JMJD1C: variants seen among roughly 807,000 people sequenced by gnomAD.
The protein encoded by JMJD1C is jumonji domain-containing protein 1C.
Under a neutral mutation model 245.3 loss-of-function variants are expected in JMJD1C, and 31 were observed. That is an observed-to-expected ratio of 0.13 (90% CI 0.09 to 0.17). The LOEUF is 0.17. Ranked by LOEUF, JMJD1C falls within the 10% of genes least tolerant of loss-of-function variation. The pLI, the probability that JMJD1C is intolerant of heterozygous loss-of-function variation, is 1.00. For missense variants in JMJD1C, 2,691 were observed against 3,000.2 expected (o/e 0.90, Z 2.41); for synonymous variants, 1,057 against 1,017.4 (o/e 1.04, Z -0.74).
At chr10:63,255,293 C>G (rs1853724779) in intron 3 of JMJD1C, among the ~76,000 whole-genome samples, 1 of 152,070 alleles carries the variant, frequency 6.6e-6, no homozygotes, top group African/African-American at 2.4e-5. Context: ...GTTTCATTCC[C>G]CTATGCCATC....
chr10:63,454,720 T>TGCAC (rs1431708916), intron 1 of JMJD1C, among the ~76,000 whole-genome samples: 2 of 152,348 alleles, frequency 1.3e-5, no homozygotes, highest in East Asian at 3.9e-4. Flanking sequence ...CATGAGCTAC[T>TGCAC]GCACCTAGCC....
intron 1 of JMJD1C, among the ~76,000 whole-genome samples, chr10:63,487,640 A>C (rs1044063971): frequency 6.6e-6 from 1 of 152,218 alleles, no homozygotes; most frequent in Non-Finnish European, 1.5e-5. Flanking sequence ...GATCAGAGTT[A>C]AGGTGATAGA....
Position 63,457,344 on chromosome 10 carries a change from A to T in JMJD1C, c.168+8151T>A, listed in dbSNP as rs946266734. Among the ~76,000 whole-genome samples the T allele has an allele frequency of 2.6e-5, 4 of 152,318 alleles. No individual in the cohort carries two copies. The East Asian group carries it at 7.7e-4, about 29-fold the overall frequency. The stretch of plus-strand genomic sequence containing the variant: ...TCAAAATGGCAGCTGGTTTCACATG[A>T]AGATAATAAATTATACTTTAAACAC... On this transcript the variant is annotated intron_variant, in intron 1 of 25. Coordinates refer to ENST00000399262, the MANE Select transcript of JMJD1C (RefSeq NM_032776.3).
At chr10:63,267,297 TA>T (rs1855700161) in intron 2 of JMJD1C, among the ~76,000 whole-genome samples, 2 of 152,234 alleles carry the variant, frequency 1.3e-5, no homozygotes, top group African/African-American at 2.4e-5. Flanking sequence ...TATGAAGTGA[TA>T]TTAAAATACA....
Position 63,207,912 on chromosome 10 carries a change from G to A in JMJD1C, c.3757C>T (p.Leu1253=), listed in dbSNP as rs1846845422. Residue 1253 remains leucine (L), a synonymous_variant, in exon 10 of 26, where the codon CTA becomes TTA. Transcript: ENST00000399262. ...TGGGAGTCTTTTGGTTCGGGTATTAGAGTTGGAGGCTTCTGTGATTCTTGA... is the reference window on the plus strand; with the variant it reads ...TGGGAGTCTTTTGGTTCGGGTATTAAAGTTGGAGGCTTCTGTGATTCTTGA... The part of the protein sequence containing the change: ...KVQESQKPPT[L]IPEPKDSQAN... 19 of 1,614,138 alleles carry A rather than the reference G, an allele frequency of 1.2e-5. No individual in the cohort carries two copies. Among genetic ancestry groups the A allele is most frequent in the Non-Finnish European group, 1.6e-5 (19 of 1,180,006 alleles).
chr10:63,291,521 A>G (rs981029735), intron 2 of JMJD1C, among the ~76,000 whole-genome samples: 1 of 151,144 alleles, frequency 6.6e-6, no homozygotes, highest in Non-Finnish European at 1.5e-5. Flanking sequence ...AGGCTGACGC[A>G]GGAGAATCGC....
intron 2 of JMJD1C, among the ~76,000 whole-genome samples, chr10:63,332,547 A>T (rs563132654): frequency 1.3e-5 from 2 of 152,360 alleles, no homozygotes; most frequent in South Asian, 2.1e-4. Flanking sequence ...TGAATGGGAA[A>T]GAGATCTAGT....
At chr10:63,486,826 C>T (rs934380911) in intron 1 of JMJD1C, among the ~76,000 whole-genome samples, 2 of 152,160 alleles carry the variant, frequency 1.3e-5, no homozygotes, top group African/African-American at 4.8e-5. Context: ...AATAGCACCA[C>T]CTTCCACACC....
At chr10:63,312,600 TAGA>T (rs1939377721) in intron 2 of JMJD1C, among the ~76,000 whole-genome samples, 1 of 152,172 alleles carries the variant, frequency 6.6e-6, no homozygotes, top group African/African-American at 2.4e-5. Context: ...GTATCAAAAG[TAGA>T]AGTTTTTTAT....
rs536859614 is a variant in JMJD1C at position 63,202,456 on chromosome 10, A to T, written c.5075-1779T>A. ...TCTAATCATGCCCAATGTGTGGATC[A>T]GAGGTACAGCTATTCTCCTGAGACT... On this transcript the variant is annotated intron_variant, in intron 10 of 25. Transcript: ENST00000399262. The T allele has an allele frequency of 2.3e-4, 227 of 984,974 alleles. No homozygotes were observed. The African/African-American group carries it at 3.8e-3, about 17-fold the overall frequency. 61.0% of individuals were successfully genotyped at this position (984,974 alleles called of 1,614,324 possible).
At chr10:63,295,345 C>A (rs1859254932) in intron 2 of JMJD1C, among the ~76,000 whole-genome samples, 1 of 151,678 alleles carries the variant, frequency 6.6e-6, no homozygotes, top group Non-Finnish European at 1.5e-5. Context: ...CTGCCTCAGC[C>A]TCCTAAAGTG....
chr10:63,320,447 T>C (rs1453040409), intron 2 of JMJD1C, among the ~76,000 whole-genome samples: 1 of 152,158 alleles, frequency 6.6e-6, no homozygotes, highest in East Asian at 1.9e-4. Flanking sequence ...ATTTAAGCAA[T>C]GTATATAGAC....
intron 2 of JMJD1C, among the ~76,000 whole-genome samples, chr10:63,346,082 G>T (rs1166645508): frequency 6.6e-6 from 1 of 152,094 alleles, no homozygotes; most frequent in Non-Finnish European, 1.5e-5. Context: ...TCACTATCTT[G>T]CCCAGGCTGG....
chr10:63,206,604 T>C lies in JMJD1C; in HGVS notation c.5065A>G (p.Asn1689Asp). The C allele has an allele frequency of 6.3e-7, 1 of 1,588,478 alleles. No individual in the cohort carries two copies. The highest frequency in any genetic ancestry group is 8.5e-7 in the Non-Finnish European group (1 of 1,170,788). ...KERSKLKLQSNSNTGIPRSVL... is the reference protein window; with the variant it reads ...KERSKLKLQSDSNTGIPRSVL... The stretch of plus-strand genomic sequence containing the variant: ...AAAGTAACTGACTTACTATTACTGT[T>C]GCTTTGCAACTTCAGTTTACTTCTT... The change falls in exon 10 of 26, where the codon AAC (asparagine) becomes GAC (aspartate). Residue 1689 changes from asparagine to aspartate, a missense_variant. Asn to Asp is a conservative substitution (Grantham distance 23). This residue lies in a region of JMJD1C where 144 missense variants were observed against 143.3 expected (regional missense o/e 1.00). Coordinates refer to ENST00000399262, the MANE Select transcript of JMJD1C (RefSeq NM_032776.3).
In JMJD1C at chr10:63,197,425, C is replaced by T; in HGVS notation, c.5630G>A (p.Arg1877Lys). The change falls in exon 13 of 26, where the codon AGG (arginine) becomes AAG (lysine). Residue 1877 changes from arginine (R) to lysine (K), a missense_variant. Arg to Lys is a conservative substitution (Grantham distance 26, BLOSUM62 2). This residue lies in a region of JMJD1C where 139 missense variants were observed against 270.5 expected (regional missense o/e 0.51). Coordinates refer to ENST00000399262, the MANE Select transcript of JMJD1C (RefSeq NM_032776.3). ...TATACACCAACCTCTAGAACTCTTC[C>T]TTTCCTTTGCCTTGTAACAATCTAA... ...VCLDCYKAKE[R>K]KSSRDKELYA... is the part of the protein sequence containing the mutation. 1.2e-6 allele frequency: 2 copies of T among 1,613,180 alleles called. No individual in the cohort carries two copies. Among genetic ancestry groups the T allele is most frequent in the Non-Finnish European group, 1.7e-6 (2 of 1,179,762 alleles).
At chr10:63,268,968 A>C (rs1855965080) in intron 2 of JMJD1C, 1 of 985,570 alleles carries the variant, frequency 1.0e-6, no homozygotes, top group South Asian at 4.7e-5. Flanking sequence ...CCTGGCAGTG[A>C]TGAGGATTAC....
chr10:63,292,684 T>C (rs1346602268), intron 2 of JMJD1C, among the ~76,000 whole-genome samples: 1 of 152,090 alleles, frequency 6.6e-6, no homozygotes, highest in Non-Finnish European at 1.5e-5. Flanking sequence ...CCAAATCCAC[T>C]TCGTCCATAG....
At chr10:63,467,556 C>T (rs1366154876), upstream of JMJD1C, among the ~76,000 whole-genome samples, 1 of 152,156 alleles carries the variant, frequency 6.6e-6, no homozygotes, top group African/African-American at 2.4e-5. Context: ...ATTAAAACAG[C>T]AAAACATACC....
At chr10:63,234,510 A>AAAAAAAAAAC (rs1564654872) in intron 3 of JMJD1C, among the ~76,000 whole-genome samples, 9 of 149,820 alleles carry the variant, frequency 6.0e-5, no homozygotes, top group African/African-American at 2.0e-4. Context: ...AAAAAAAAAA[A>AAAAAAAAAAC]AAAAAAAAAA....
Sources: allele counts gnomAD v4.1 joint callset (sites outside exome capture counted in the v4.1 genomes callset), GRCh38; gene constraint gnomAD v4.1.1; regional missense constraint gnomAD v4.1.1; transcripts MANE v1.5; gene names NCBI Gene and HGNC (gene_info 2026-07-23, HGNC 2026-07-21).